Variants in PLCG2 observed in about 807,000 individuals in gnomAD.
The protein encoded by PLCG2 is 1-phosphatidylinositol 4,5-bisphosphate phosphodiesterase gamma-2.
A neutral mutation model predicts 175.6 loss-of-function variants in PLCG2; 69 were observed. The observed-to-expected ratio is 0.39, with a 90% CI of 0.32 to 0.48. The LOEUF (loss-of-function observed/expected upper bound fraction) is 0.48, where lower values mean the gene tolerates loss of function less well. PLCG2 is among the 20% of genes least tolerant of loss of function. The pLI is 0.91. For synonymous variants in PLCG2, 827 were observed against 624.0 expected (o/e 1.33, Z -4.85); for missense variants, 1,798 against 1,650.9 (o/e 1.09, Z -1.54).
chr16:81,894,114 G>C (rs934685516), intron 12 of PLCG2, among the ~76,000 whole-genome samples: 5 of 152,088 alleles, frequency 3.3e-5, no homozygotes, highest in Admixed American at 1.3e-4. Flanking sequence ...CTGGATTGGG[G>C]GGTCTCTGAG....
Position 81,939,919 on chromosome 16 carries a change from C to A in PLCG2, c.3341C>A (p.Ala1114Asp). The change falls in exon 30 of 33, where the codon GCT (alanine) becomes GAT (aspartate). Residue 1114 changes from alanine (A) to aspartate (D), a missense_variant. Transcript: ENST00000564138. ...GATAATGGCCTCAGCCCTATCTGGG[C>A]TCCAACACAGGAGAAGGTGACATTT... ...VNDNGLSPIW[A>D]PTQEKVTFEI... 6.2e-7 allele frequency: 1 copy of A among 1,613,870 alleles called. No individual in the cohort carries two copies. Among genetic ancestry groups the A allele is most frequent in the Non-Finnish European group, 8.5e-7 (1 of 1,179,758 alleles).
At chr16:81,749,369 G>A (rs1567692590) in intron 1 of PLCG2, among the ~76,000 whole-genome samples, 2 of 150,978 alleles carry the variant, frequency 1.3e-5, no homozygotes, top group South Asian at 2.1e-4. Context: ...ATTTTTTTGC[G>A]ATGGAGTCTC....
At chr16:81,778,316 G>C (rs1484498432), upstream of PLCG2, among the ~76,000 whole-genome samples, 1 of 152,114 alleles carries the variant, frequency 6.6e-6, no homozygotes, top group African/African-American at 2.4e-5. Context: ...GATGTGGTGA[G>C]CTATGATGGC....
At chr16:81,917,857 G>A (rs1246018104) in intron 19 of PLCG2, among the ~76,000 whole-genome samples, 1 of 152,096 alleles carries the variant, frequency 6.6e-6, no homozygotes, top group Non-Finnish European at 1.5e-5. Flanking sequence ...GAGTAGCTGG[G>A]ACTACAGGTG....
In PLCG2 at chr16:81,877,516, C is replaced by T. The variant is rs191471158; in HGVS notation, c.649-3394C>T. Among the ~76,000 whole-genome samples the T allele has an allele frequency of 5.3e-5, 8 of 152,320 alleles. No homozygotes were observed. In the East Asian group the frequency reaches 1.5e-3, roughly 29 times the overall value. On this transcript the variant is annotated intron_variant, in intron 7 of 32. Transcript: ENST00000564138. Reference sequence around the variant, plus strand: ...CTCACTGTACTGGAGGTTAAAAGTCCAAAATCCAGGTGTTGGCAGGGCCAC... The same window carrying T: ...CTCACTGTACTGGAGGTTAAAAGTCTAAAATCCAGGTGTTGGCAGGGCCAC...
intron 20 of PLCG2, among the ~76,000 whole-genome samples, chr16:81,920,729 A>G (rs1910024745): frequency 7.6e-6 from 1 of 131,714 alleles, no homozygotes; most frequent in South Asian, 2.8e-4. Flanking sequence ...GTGCTAGTAA[A>G]TGTTCAAACA....
intron 2 of PLCG2, among the ~76,000 whole-genome samples, chr16:81,818,074 G>A (rs954302492): frequency 2.0e-5 from 3 of 152,134 alleles, no homozygotes; most frequent in Non-Finnish European, 4.4e-5. Context: ...CTGTCGGCTC[G>A]TGTCCCCTGA....
intron 2 of PLCG2, among the ~76,000 whole-genome samples, chr16:81,825,960 T>C (rs1448796901): frequency 1.3e-5 from 2 of 152,176 alleles, no homozygotes; most frequent in Admixed American, 6.5e-5. Context: ...AGAGAAATTT[T>C]CTCAGATGTC....
At chr16:81,878,915 G>A (rs931376214) in intron 7 of PLCG2, among the ~76,000 whole-genome samples, 1 of 152,024 alleles carries the variant, frequency 6.6e-6, no homozygotes, top group African/African-American at 2.4e-5. Flanking sequence ...CTGCAAACAC[G>A]TTCCCAGGTG....
chr16:81,899,891 A>C (rs778154904), intron 13 of PLCG2, among the ~76,000 whole-genome samples: 4 of 152,200 alleles, frequency 2.6e-5, no homozygotes, highest in Admixed American at 1.3e-4. Context: ...ATTGAGGAAA[A>C]TGTTGTGACC....
chr16:81,912,258 G>A (rs968277747), intron 18 of PLCG2, among the ~76,000 whole-genome samples: 6 of 151,890 alleles, frequency 4.0e-5, no homozygotes, highest in African/African-American at 1.5e-4. Flanking sequence ...AGAGATGGGG[G>A]TCTCATTGTG....
intron 5 of PLCG2, among the ~76,000 whole-genome samples, chr16:81,860,169 ATTATTTTTTTT>A (rs1906902526): frequency 1.1e-5 from 1 of 93,382 alleles, no homozygotes; most frequent in Non-Finnish European, 2.5e-5. Context: ...TATTATTATT[ATTATTTTTTTT>A]TTTTTTTGTA....
At chr16:81,942,563 C>T (rs966341657) in intron 30 of PLCG2, among the ~76,000 whole-genome samples, 2 of 152,130 alleles carry the variant, frequency 1.3e-5, no homozygotes, top group Admixed American at 1.3e-4. Context: ...GCTTTTAAAC[C>T]AGTTGGAGCG....
chr16:81,875,463 C>G (rs9940420), intron 7 of PLCG2, among the ~76,000 whole-genome samples: 2 of 151,950 alleles, frequency 1.3e-5, no homozygotes, highest in South Asian at 4.1e-4. Flanking sequence ...TGGAATACTT[C>G]TTAATTTTTG....
In PLCG2 at chr16:81,934,025, C is replaced by T. The variant is rs148437842; in HGVS notation, c.2740-404C>T. On this transcript the variant is annotated intron_variant, in intron 25 of 32. Coordinates refer to ENST00000564138, the MANE Select transcript of PLCG2 (RefSeq NM_002661.5). ...GGGTGCAGGGGATAGAGAGTTATGA[C>T]GAGGATGCTGGGGTCCACAGAGCCC... is the stretch of plus-strand genomic sequence containing the variant. 3.0e-4 allele frequency among the ~76,000 whole-genome samples: 45 copies of T among 152,248 alleles called. No homozygotes were observed. In the East Asian group the frequency reaches 4.2e-3, roughly 14 times the overall value.
At chr16:81,794,104 C>T (rs962723527) in intron 2 of PLCG2, among the ~76,000 whole-genome samples, 2 of 152,044 alleles carry the variant, frequency 1.3e-5, no homozygotes, top group Non-Finnish European at 2.9e-5. Flanking sequence ...CTGGAGGTAC[C>T]AAGAGAAAGG....
rs549992846 is a variant in PLCG2, at chr16:81,853,473, G to T, written c.194-971G>T. ...AGACAGTTTTTCCACAGATGGTGGGGGCAGTGGGGGGATTGCTTTAGGATA... is the reference window on the plus strand; with the variant it reads ...AGACAGTTTTTCCACAGATGGTGGGTGCAGTGGGGGGATTGCTTTAGGATA... On this transcript the variant is annotated intron_variant, in intron 2 of 32. Transcript: ENST00000564138. 2.0e-5 allele frequency among the ~76,000 whole-genome samples: 3 copies of T among 152,304 alleles called. No homozygotes were observed. In the East Asian group the frequency reaches 5.8e-4, roughly 29 times the overall value.
chr16:81,887,632 GTTC>G (rs1306301799), intron 9 of PLCG2, among the ~76,000 whole-genome samples: 1 of 152,152 alleles, frequency 6.6e-6, no homozygotes, highest in Non-Finnish European at 1.5e-5. Flanking sequence ...ATTTGTGTCT[GTTC>G]TTCTATTTTT....
intron 1 of PLCG2, among the ~76,000 whole-genome samples, chr16:81,743,012 C>G (rs1597300113): frequency 6.6e-6 from 1 of 152,156 alleles, no homozygotes; most frequent in East Asian, 1.9e-4. Flanking sequence ...GACAGAAGAA[C>G]CAGTCTAGCT....
Sources: gnomAD v4.1 joint callset for allele counts (sites outside exome capture counted in the v4.1 genomes callset) on GRCh38, gnomAD v4.1.1 for gene constraint, MANE v1.5 for transcripts, NCBI Gene and HGNC (gene_info 2026-07-23, HGNC 2026-07-21) for gene names.